The following NKAIN2 variants were observed in gnomAD, a reference collection of about 807,000 sequenced individuals.
NKAIN2 encodes sodium/potassium transporting ATPase interacting 2.
In NKAIN2, 14 loss-of-function variants were observed where a neutral mutation model predicts 32.6. The observed-to-expected ratio is 0.43, with a 90% confidence interval of 0.28 to 0.67. NKAIN2 has a LOEUF of 0.67. Among genes scored for constraint, NKAIN2 ranks in the 30% least tolerant of loss-of-function variants. The pLI, the probability that NKAIN2 is intolerant of heterozygous loss-of-function variation, is 0.17. For missense variants in NKAIN2, 198 were observed against 258.3 expected (o/e 0.77, Z 1.60); for synonymous variants, 80 against 87.2 (o/e 0.92, Z 0.46).
Position 124,536,968 on chromosome 6 carries a change from A to G in NKAIN2, c.274-121218A>G, listed in dbSNP as rs185704173. 3.1e-3 allele frequency among the ~76,000 whole-genome samples: 477 copies of G among 152,304 alleles called. 3 individuals carry two copies. Among genetic ancestry groups the G allele is most frequent in the African/African-American group, 0.011 (455 of 41,560 alleles). ...AGCTTTATGGGAAAAAGTTGTATGG[A>G]CTAGCTTTAACAACATGGATAACCC... On this transcript the variant is annotated intron_variant, in intron 3 of 6. Transcript: ENST00000368417.
At chr6:124,684,479 A>T (rs566085748) in intron 4 of NKAIN2, among the ~76,000 whole-genome samples, 2 of 152,220 alleles carry the variant, frequency 1.3e-5, no homozygotes, top group Non-Finnish European at 2.9e-5. Flanking sequence ...TTTGATGTCC[A>T]CTACCTTAGC....
At chr6:123,958,656 G>A (rs1479021810) in intron 1 of NKAIN2, among the ~76,000 whole-genome samples, 1 of 152,202 alleles carries the variant, frequency 6.6e-6, no homozygotes, top group Non-Finnish European at 1.5e-5. Flanking sequence ...AATTTTGGAA[G>A]GACACAAACA....
intron 1 of NKAIN2, among the ~76,000 whole-genome samples, chr6:124,199,696 G>T (rs1367528643): frequency 1.3e-5 from 2 of 152,062 alleles, no homozygotes; most frequent in African/African-American, 2.4e-5. Context: ...TACAGTATGG[G>T]GTGCCACAAT....
intron 1 of NKAIN2, among the ~76,000 whole-genome samples, chr6:123,889,834 T>C (rs1773913002): frequency 6.6e-6 from 1 of 152,182 alleles, no homozygotes; most frequent in South Asian, 2.1e-4. Context: ...AGTTTCTGTT[T>C]CTTCCTTGAA....
At chr6:124,158,745 C>G (rs151147321) in intron 1 of NKAIN2, among the ~76,000 whole-genome samples, 1 of 152,180 alleles carries the variant, frequency 6.6e-6, no homozygotes, top group South Asian at 2.1e-4. Flanking sequence ...CAAAACAAAA[C>G]TTAATTTCAC....
intron 1 of NKAIN2, among the ~76,000 whole-genome samples, chr6:123,911,541 A>T (rs1582763236): frequency 6.6e-6 from 1 of 152,056 alleles, no homozygotes; most frequent in Non-Finnish European, 1.5e-5. Flanking sequence ...AATACCTCCC[A>T]TCAGGCCCCA....
chr6:124,038,546 A>G (rs1022160173), intron 1 of NKAIN2, among the ~76,000 whole-genome samples: 1 of 152,016 alleles, frequency 6.6e-6, no homozygotes, highest in Admixed American at 6.6e-5. Context: ...TTGATTGTTG[A>G]TTATTGTGGG....
intron 2 of NKAIN2, among the ~76,000 whole-genome samples, chr6:124,317,057 C>G (rs1796984525): frequency 6.6e-6 from 1 of 152,056 alleles, no homozygotes; most frequent in Non-Finnish European, 1.5e-5. Context: ...CCCAGCTGCT[C>G]TGGAGGATAA....
rs183324582 is a variant in NKAIN2, at chr6:124,630,110, A to G, written c.274-28076A>G. On this transcript the variant is annotated intron_variant, in intron 3 of 6. Transcript: ENST00000368417. The stretch of plus-strand genomic sequence containing the variant: ...GGTGTTGAGTAGAGTGGAGAGAAGA[A>G]GGTTTAAAGTAAAGCAGGTAAGCCA... 3.0e-4 allele frequency among the ~76,000 whole-genome samples: 46 copies of G among 152,274 alleles called. No individual in the cohort carries two copies. The East Asian group carries it at 8.3e-3, about 27-fold the overall frequency.
At chr6:124,415,455 C>T (rs1774421459) in intron 3 of NKAIN2, among the ~76,000 whole-genome samples, 1 of 152,204 alleles carries the variant, frequency 6.6e-6, no homozygotes, top group Non-Finnish European at 1.5e-5. Flanking sequence ...GGCTATGCCA[C>T]CCTCCAGGAA....
At chr6:124,143,762 G>T (rs576777165) in intron 1 of NKAIN2, among the ~76,000 whole-genome samples, 5 of 152,064 alleles carry the variant, frequency 3.3e-5, no homozygotes, top group African/African-American at 1.2e-4. Flanking sequence ...TAATCTAGTA[G>T]AATTATTTAT....
intron 3 of NKAIN2, among the ~76,000 whole-genome samples, chr6:124,454,537 T>C (rs189105118): frequency 6.6e-6 from 1 of 152,162 alleles, no homozygotes; most frequent in East Asian, 1.9e-4. Flanking sequence ...AGCCCAGATT[T>C]CTATCAAAAC....
chr6:123,846,836 GCA>G (rs1318562728), intron 1 of NKAIN2, among the ~76,000 whole-genome samples: 1 of 70,956 alleles, frequency 1.4e-5, no homozygotes, highest in Non-Finnish European at 4.6e-5. Flanking sequence ...CCACACACAC[GCA>G]CGCGCGCACA....
intron 1 of NKAIN2, among the ~76,000 whole-genome samples, chr6:124,013,265 C>A (rs886112110): frequency 2.5e-4 from 38 of 152,188 alleles, no homozygotes; most frequent in African/African-American, 8.9e-4. Context: ...TCTGTACTTT[C>A]TTTCTCTGAG....
chr6:124,265,499 C>G (rs945044781), intron 1 of NKAIN2, among the ~76,000 whole-genome samples: 2 of 152,190 alleles, frequency 1.3e-5, no homozygotes, highest in South Asian at 4.1e-4. Flanking sequence ...AATGGATACA[C>G]TGAAACAAAT....
intron 2 of NKAIN2, among the ~76,000 whole-genome samples, chr6:124,326,378 A>C (rs1797411923): frequency 6.6e-6 from 1 of 152,104 alleles, no homozygotes; most frequent in African/African-American, 2.4e-5. Flanking sequence ...GATGAACCAA[A>C]ATGTCTTTCA....
rs534206545 is a variant in NKAIN2 at position 123,868,129 on chromosome 6, A to G, written c.54+63875A>G. 2.5e-3 allele frequency among the ~76,000 whole-genome samples: 387 copies of G among 152,118 alleles called. 2 individuals carry two copies. Among genetic ancestry groups the G allele is most frequent in the African/African-American group, 8.9e-3 (369 of 41,494 alleles). ...GTGATCTGCCCACCTTGGCCTCCCA[A>G]AGTGCTGGGATTACAGGCGTGAGCC... is the stretch of plus-strand genomic sequence containing the variant. On this transcript the variant is annotated intron_variant, in intron 1 of 6. Coordinates refer to ENST00000368417, the MANE Select transcript of NKAIN2 (RefSeq NM_001040214.3).
At chr6:124,326,263 T>C (rs1797407194) in intron 2 of NKAIN2, among the ~76,000 whole-genome samples, 1 of 151,946 alleles carries the variant, frequency 6.6e-6, no homozygotes, top group Non-Finnish European at 1.5e-5. Context: ...TTTACTTTTG[T>C]GGCCACTTTT....
intron 1 of NKAIN2, among the ~76,000 whole-genome samples, chr6:123,895,140 T>C (rs1252707591): frequency 2.6e-5 from 4 of 151,514 alleles, no homozygotes; most frequent in Non-Finnish European, 5.9e-5. Context: ...TCCTTCCCTT[T>C]CTTCTCTCTT....
Sources: allele counts gnomAD v4.1 joint callset (sites outside exome capture counted in the v4.1 genomes callset), GRCh38; gene constraint gnomAD v4.1.1; transcripts MANE v1.5; gene names NCBI Gene and HGNC (gene_info 2026-07-23, HGNC 2026-07-21).